Variants in RMI1 observed in about 807,000 individuals in gnomAD.
The protein encoded by RMI1 is recQ-mediated genome instability protein 1.
In RMI1, 36 loss-of-function variants were observed where a neutral mutation model predicts 46.7. That is an observed-to-expected ratio of 0.77 (90% confidence interval 0.59 to 1.02). The LOEUF is 1.02. RMI1 is among the 50% of genes least tolerant of loss of function. The pLI is 0.00. For synonymous variants in RMI1, 250 were observed against 252.9 expected (o/e 0.99, Z 0.11); for missense variants, 676 against 713.7 (o/e 0.95, Z 0.60).
Position 84,001,946 on chromosome 9 carries a change from G to A in RMI1, c.960G>A (p.Leu320=), listed in dbSNP as rs374162874. ...ATGACTTTTCACTGGAGGAGGCCTTGCTTTTAGAAGAAACTGTCCAGAAAG... is the reference window on the plus strand; with the variant it reads ...ATGACTTTTCACTGGAGGAGGCCTTACTTTTAGAAGAAACTGTCCAGAAAG... ...ELDDFSLEEA[L]LLEETVQKEQ... The change falls in exon 3 of 3, where the codon TTG becomes TTA. Residue 320 remains leucine, a synonymous_variant. Transcript: ENST00000445877. 6.2e-7 allele frequency: 1 copy of A among 1,614,056 alleles called. No individual in the cohort carries two copies. Among genetic ancestry groups the A allele is most frequent in the Admixed American group, 1.7e-5 (1 of 60,006 alleles).
intron 2 of RMI1, among the ~76,000 whole-genome samples, chr9:84,000,712 A>G (rs75177394): frequency 0.034 from 5,239 of 152,242 alleles, 300 homozygotes; most frequent in African/African-American, 0.12. Context: ...AGAATTTTAT[A>G]TTAGGTCACA....
At chr9:83,984,348 C>T (rs1957460573) in intron 1 of RMI1, among the ~76,000 whole-genome samples, 3 of 150,932 alleles carry the variant, frequency 2.0e-5, no homozygotes, top group African/African-American at 7.4e-5. Flanking sequence ...CGGCTCACTG[C>T]AACCTCTGCT....
intron 2 of RMI1, among the ~76,000 whole-genome samples, chr9:84,000,087 T>G (rs893186760): frequency 6.6e-6 from 1 of 152,230 alleles, no homozygotes; most frequent in African/African-American, 2.4e-5. Flanking sequence ...AAGTACTAAA[T>G]GGACAGACAC....
intron 1 of RMI1, among the ~76,000 whole-genome samples, chr9:83,990,661 A>T (rs1957558740): frequency 6.6e-6 from 1 of 152,230 alleles, no homozygotes; most frequent in South Asian, 2.1e-4. Context: ...AGTGATAGAT[A>T]TCCTAATTAC....
At chr9:84,000,602 T>C (rs1442468022) in intron 2 of RMI1, among the ~76,000 whole-genome samples, 1 of 152,246 alleles carries the variant, frequency 6.6e-6, no homozygotes, top group African/African-American at 2.4e-5. Flanking sequence ...GGTCTGACAT[T>C]ATGCTTTACA....
intron 1 of RMI1, among the ~76,000 whole-genome samples, chr9:83,987,583 C>A (rs1274214939): frequency 1.3e-5 from 2 of 152,052 alleles, no homozygotes; most frequent in African/African-American, 4.8e-5. Flanking sequence ...ATGTAACCAC[C>A]AACCACCACC....
chr9:84,001,367 G>C lies in RMI1; in HGVS notation c.381G>C (p.Trp127Cys), dbSNP rs1292059943. 1 of 1,613,930 alleles carries C rather than the reference G, an allele frequency of 6.2e-7. No homozygotes were observed. Among genetic ancestry groups the C allele is most frequent in the South Asian group, 1.1e-5 (1 of 91,084 alleles). Residue 127 changes from tryptophan (W) to cysteine (C), a missense_variant, in exon 3 of 3, where the codon TGG becomes TGC. Physicochemically the swap from Trp to Cys is radical, Grantham distance 215. Coordinates refer to ENST00000445877, the MANE Select transcript of RMI1 (RefSeq NM_001358291.2). Reference sequence around the variant, plus strand: ...AAGCACAAGTAACCCCAAAACCTTGGGAAGCAAAGCCTTCACGAATGTTGA... The same window carrying C: ...AAGCACAAGTAACCCCAAAACCTTGCGAAGCAAAGCCTTCACGAATGTTGA... The part of the protein sequence containing the change: ...TAEAQVTPKP[W>C]EAKPSRMLML...
rs544833490 is a variant in RMI1 at position 83,992,482 on chromosome 9, A to G, written c.-125-7227A>G. Among the ~76,000 whole-genome samples, 88 of 152,056 alleles carry G rather than the reference A, an allele frequency of 5.8e-4. 1 individual carries two copies. The Middle Eastern group carries it at 0.024, about 41-fold the overall frequency. On this transcript the variant is annotated intron_variant, in intron 1 of 2. Coordinates refer to ENST00000445877, the MANE Select transcript of RMI1 (RefSeq NM_001358291.2). ...AAAACTACTGGAAAAAAAAAAAAGCATAAAAACATGGCACTAAGTAGAGCA... is the reference window on the plus strand; with the variant it reads ...AAAACTACTGGAAAAAAAAAAAAGCGTAAAAACATGGCACTAAGTAGAGCA...
At chr9:83,983,778 C>T (rs907222806) in intron 1 of RMI1, among the ~76,000 whole-genome samples, 1 of 152,002 alleles carries the variant, frequency 6.6e-6, no homozygotes, top group African/African-American at 2.4e-5. Flanking sequence ...GTTTATCATT[C>T]ATACAATGCT....
chr9:84,000,601 T>C (rs1957723256), intron 2 of RMI1, among the ~76,000 whole-genome samples: 1 of 152,236 alleles, frequency 6.6e-6, no homozygotes, highest in African/African-American at 2.4e-5. Context: ...AGGTCTGACA[T>C]TATGCTTTAC....
chr9:83,984,272 C>CTT (rs34730251), intron 1 of RMI1, among the ~76,000 whole-genome samples: 42,006 of 142,970 alleles, frequency 0.29, 6,458 homozygotes, highest in African/African-American at 0.38. Flanking sequence ...ATGAACATAC[C>CTT]TTTTTTTTTT....
chr9:83,983,879 A>G (rs1238934846), intron 1 of RMI1, among the ~76,000 whole-genome samples: 1 of 152,178 alleles, frequency 6.6e-6, no homozygotes, highest in Admixed American at 6.5e-5. Context: ...TTTCCCAACA[A>G]AATGTGAATG....
Position 84,001,462 on chromosome 9 carries a change from G to A in RMI1, c.476G>A (p.Ser159Asn). 1 of 1,614,040 alleles carries A rather than the reference G, an allele frequency of 6.2e-7. No individual in the cohort carries two copies. The highest frequency in any genetic ancestry group is 8.5e-7 in the Non-Finnish European group (1 of 1,179,990). Reference protein sequence around the residue: ...MEYQPIPILHSDLPPGTKILI... With the variant: ...MEYQPIPILHNDLPPGTKILI... Reference sequence around the variant, plus strand: ...TATCAGCCTATTCCAATTCTTCATAGTGATCTTCCTCCAGGTACAAAAATT... The same window carrying A: ...TATCAGCCTATTCCAATTCTTCATAATGATCTTCCTCCAGGTACAAAAATT... The change falls in exon 3 of 3, where the codon AGT (serine) becomes AAT (asparagine). Residue 159 changes from serine (S) to asparagine (N), a missense_variant. Ser to Asn is a conservative substitution (Grantham distance 46). Transcript: ENST00000445877.
chr9:83,988,416 C>G (rs1332780348), intron 1 of RMI1, among the ~76,000 whole-genome samples: 1 of 152,036 alleles, frequency 6.6e-6, no homozygotes, highest in Non-Finnish European at 1.5e-5. Context: ...TGATCCTCCT[C>G]CCTCAGGCTT....
chr9:84,003,048 T>A lies in RMI1; in HGVS notation c.*184T>A. The A allele has an allele frequency of 9.3e-5, 1 of 10,710 alleles. No homozygotes were observed. The highest frequency in any genetic ancestry group is 2.8e-4 in the Non-Finnish European group (1 of 3,606). The allele number at this position is 10,710 out of a possible 1,614,324, so 0.7% of individuals were successfully genotyped here. ...GGAGCTTTTGAAAATAAGTTAATCT[T>A]TTTTTTTTTTTTTTTAATGTCAGGG... On this transcript the variant is annotated 3_prime_UTR_variant, in exon 3 of 3. Coordinates refer to ENST00000445877, the MANE Select transcript of RMI1 (RefSeq NM_001358291.2).
chr9:83,989,915 TAC>T (rs1344676348), intron 1 of RMI1, among the ~76,000 whole-genome samples: 1 of 152,192 alleles, frequency 6.6e-6, no homozygotes, highest in African/African-American at 2.4e-5. Flanking sequence ...CAGTACTATT[TAC>T]AGTTTCCAAG....
intron 1 of RMI1, among the ~76,000 whole-genome samples, chr9:83,986,990 T>C (rs959140127): frequency 6.6e-6 from 1 of 152,232 alleles, no homozygotes; most frequent in Admixed American, 6.5e-5. Flanking sequence ...ATTTAAATTT[T>C]ACTGGAGGAA....
intron 1 of RMI1, among the ~76,000 whole-genome samples, chr9:83,990,637 T>G (rs1422283800): frequency 6.6e-6 from 1 of 151,992 alleles, no homozygotes; most frequent in Non-Finnish European, 1.5e-5. Flanking sequence ...CAGAAAGAAA[T>G]GATAAATGTG....
At chr9:83,999,429 G>A (rs1002360164) in intron 1 of RMI1, among the ~76,000 whole-genome samples, 5 of 152,126 alleles carry the variant, frequency 3.3e-5, no homozygotes, top group African/African-American at 1.2e-4. Flanking sequence ...CTTGTTTAGA[G>A]TCAGAGGTTA....
Sources: gnomAD v4.1 joint callset for allele counts (sites outside exome capture counted in the v4.1 genomes callset) on GRCh38, gnomAD v4.1.1 for gene constraint, MANE v1.5 for transcripts, NCBI Gene and HGNC (gene_info 2026-07-23, HGNC 2026-07-21) for gene names.